Variants in CHD8 observed in about 807,000 individuals in gnomAD.
The protein encoded by CHD8 is ATP-dependent chromatin remodeler CHD8.
In CHD8, 31 loss-of-function variants were observed where a neutral mutation model predicts 279.2. That is an observed-to-expected ratio of 0.11 (90% CI 0.08 to 0.15). The LOEUF is 0.15. CHD8 is among the 10% of genes least tolerant of loss of function. The probability of loss-of-function intolerance (pLI) is 1.00; values close to 1 mark genes in which losing one functional copy is unlikely to be tolerated. For synonymous variants in CHD8, 1,081 were observed against 1,139.6 expected (o/e 0.95, Z 1.04); for missense variants, 2,146 against 3,230.5 (o/e 0.66, Z 8.14).
Position 21,393,729 on chromosome 14 carries a change from C to G in CHD8, c.6066G>C (p.Leu2022=), listed in dbSNP as rs780801375. 3 of 1,613,878 alleles carry G rather than the reference C, an allele frequency of 1.9e-6. No individual in the cohort carries two copies. The highest frequency in any genetic ancestry group is 1.7e-6 in the Non-Finnish European group (2 of 1,179,836). Residue 2022 remains leucine, a synonymous_variant, in exon 32 of 38, where the codon CTG becomes CTC. Coordinates refer to ENST00000646647, the MANE Select transcript of CHD8 (RefSeq NM_001170629.2). ...TATQVPSLES[L]TLKLEHEVVA... Reference sequence around the variant, plus strand: ...CCACCTCGTGCTCTAGCTTTAAAGTCAGACTCTCCAGACTGGGGACCTGGG... The same window carrying G: ...CCACCTCGTGCTCTAGCTTTAAAGTGAGACTCTCCAGACTGGGGACCTGGG...
rs757626680 is a variant in CHD8 at position 21,431,257 on chromosome 14, C to G, written c.387G>C (p.Leu129=). Residue 129 remains leucine, a synonymous_variant, in exon 2 of 38, where the codon CTG becomes CTC. Coordinates refer to ENST00000646647, the MANE Select transcript of CHD8 (RefSeq NM_001170629.2). ...LLQVSKSQEI[L]SQGNPFMGVS... is the part of the protein sequence containing the mutation. ...CACCCATGAAAGGATTCCCTTGGCTCAGGATCTCCTGGCTCTTGGAGACTT... is the reference window on the plus strand; with the variant it reads ...CACCCATGAAAGGATTCCCTTGGCTGAGGATCTCCTGGCTCTTGGAGACTT... 1 of 1,595,604 alleles carries G rather than the reference C, an allele frequency of 6.3e-7. No individual in the cohort carries two copies. Among genetic ancestry groups the G allele is most frequent in the South Asian group, 1.1e-5 (1 of 90,278 alleles).
Position 21,431,865 on chromosome 14 carries a change from T to A in CHD8, c.-215-7A>T, listed in dbSNP as rs768733820. On this transcript the variant is annotated splice_polypyrimidine_tract_variant and splice_region_variant and intron_variant, in intron 1 of 37. Transcript: ENST00000646647. Reference sequence around the variant, plus strand: ...GAGGAAGATGGTGGAACTCCTGTTGTAGGAATACAAATACAAATGAAAAAT... The same window carrying A: ...GAGGAAGATGGTGGAACTCCTGTTGAAGGAATACAAATACAAATGAAAAAT... 1 of 1,596,422 alleles carries A rather than the reference T, an allele frequency of 6.3e-7. No individual in the cohort carries two copies. The highest frequency in any genetic ancestry group is 8.6e-7 in the Non-Finnish European group (1 of 1,163,890).
intron 1 of CHD8, among the ~76,000 whole-genome samples, chr14:21,444,394 G>A (rs1890062224): frequency 6.6e-6 from 1 of 152,188 alleles, no homozygotes; most frequent in African/African-American, 2.4e-5. Flanking sequence ...ATGAGCTTGA[G>A]TGCACACTCT....
At chr14:21,443,485 C>A (rs999850761) in intron 1 of CHD8, among the ~76,000 whole-genome samples, 1 of 152,080 alleles carries the variant, frequency 6.6e-6, no homozygotes, top group Non-Finnish European at 1.5e-5. Flanking sequence ...AGTGCAGTGT[C>A]ACAGAGGCAG....
At chr14:21,416,854 C>T (rs1170675709) in intron 5 of CHD8, among the ~76,000 whole-genome samples, 1 of 151,704 alleles carries the variant, frequency 6.6e-6, no homozygotes, top group Non-Finnish European at 1.5e-5. Context: ...ACCTGTAATC[C>T]TAGCACTTTG....
chr14:21,428,605 C>T (rs1482214450), intron 3 of CHD8, among the ~76,000 whole-genome samples: 1 of 152,124 alleles, frequency 6.6e-6, no homozygotes, highest in Admixed American at 6.6e-5. Flanking sequence ...TTTTATCTGC[C>T]TGGGCGGGGA....
intron 29 of CHD8, 21 bp from the exon 30 acceptor site, chr14:21,395,140 TGA>T (rs1887721157): frequency 1.2e-6 from 2 of 1,608,380 alleles, no homozygotes; most frequent in Non-Finnish European, 1.7e-6. Flanking sequence ...CAAAGTAGAA[TGA>T]ATAGGAAGTA....
chr14:21,443,629 TGG>T (rs1890040165), intron 1 of CHD8, among the ~76,000 whole-genome samples: 1 of 150,390 alleles, frequency 6.6e-6, no homozygotes, highest in African/African-American at 2.4e-5. Flanking sequence ...CCGAGGTGGG[TGG>T]ATCACGAGGT....
chr14:21,386,151 T>A lies in CHD8; in HGVS notation c.7208A>T (p.Asn2403Ile), dbSNP rs1369354810. 6.4e-7 allele frequency: 1 copy of A among 1,551,922 alleles called. No individual in the cohort carries two copies. Among genetic ancestry groups the A allele is most frequent in the African/African-American group, 1.4e-5 (1 of 72,994 alleles). ...KKGHHTETVF[N>I]RVLPGPIAPE... is the part of the protein sequence containing the mutation. ...TGCAATAGGCCCTGGCAAAACCCGGTTGAACACCGTTTCAGTGTGATGACC... is the reference window on the plus strand; with the variant it reads ...TGCAATAGGCCCTGGCAAAACCCGGATGAACACCGTTTCAGTGTGATGACC... The change falls in exon 38 of 38, where the codon AAC becomes ATC. Residue 2403 changes from asparagine to isoleucine, a missense_variant. Asn to Ile is a moderately radical substitution (Grantham distance 149, BLOSUM62 -3). Transcript: ENST00000646647.
In CHD8 at chr14:21,402,592, C is replaced by T; in HGVS notation, c.3715-89G>A. ...ACAAAATACCAATTTATGATTCTTT[C>T]ACCTCTATAGAGCAGCCATGAGATC... On this transcript the variant is annotated intron_variant, in intron 18 of 37. Coordinates refer to ENST00000646647, the MANE Select transcript of CHD8 (RefSeq NM_001170629.2). The surrounding 1 kb of genome is among the most constrained non-coding windows in gnomAD (Gnocchi z 4.5). 1 of 1,267,254 alleles carries T rather than the reference C, an allele frequency of 7.9e-7. No homozygotes were observed. The highest frequency in any genetic ancestry group is 1.6e-5 in the South Asian group (1 of 64,372). 78.5% of individuals were successfully genotyped at this position (1,267,254 alleles called of 1,614,324 possible).
chr14:21,391,384 T>A, intron 36 of CHD8, 79 bp downstream of exon 36: 4 of 1,325,238 alleles, frequency 3.0e-6, no homozygotes, highest in Non-Finnish European at 4.2e-6. Flanking sequence ...TGATACAGTA[T>A]GTCATGCTTT....
rs906914158 is a variant in CHD8 at position 21,430,918 on chromosome 14, G to T, written c.726C>A (p.Ser242Arg). Residue 242 changes from serine (S) to arginine (R), a missense_variant, in exon 2 of 38, where the codon AGC becomes AGA. This residue lies in a region of CHD8 where 302 missense variants were observed against 325.5 expected (regional missense o/e 0.93). Transcript: ENST00000646647. ...QAAVQRIVQP[S>R]RPVKQLVLQP... ...GGAGGACCAGCTGCTTTACTGGTCG[G>T]CTGGGCTGGACAATGCGCTGAACAG... 7.5e-6 allele frequency: 12 copies of T among 1,599,344 alleles called. No individual in the cohort carries two copies. The highest frequency in any genetic ancestry group is 8.5e-6 in the Non-Finnish European group (10 of 1,179,752).
intron 5 of CHD8, among the ~76,000 whole-genome samples, chr14:21,424,902 C>T (rs567875827): frequency 6.6e-5 from 10 of 152,102 alleles, no homozygotes; most frequent in Non-Finnish European, 1.5e-4. Flanking sequence ...TCATTTAGTC[C>T]AAATCTCCAT....
intron 1 of CHD8, among the ~76,000 whole-genome samples, chr14:21,445,107 T>C (rs1890080478): frequency 6.6e-6 from 1 of 152,198 alleles, no homozygotes; most frequent in South Asian, 2.1e-4. Context: ...AATTCCCATC[T>C]TTACCTCCTA....
At position 21,394,902 on chromosome 14, in the gene CHD8, T is replaced by A. The variant is rs181227407; in HGVS notation, c.5390+10A>T. On this transcript the variant is annotated intron_variant, in intron 30 of 37. Transcript: ENST00000646647. Reference sequence around the variant, plus strand: ...ACACAGATCAGCACAAGTTCCCAGCTATATTTTACCGTTGTTGTTTCTCCC... The same window carrying A: ...ACACAGATCAGCACAAGTTCCCAGCAATATTTTACCGTTGTTGTTTCTCCC... 2,790 of 1,612,948 alleles carry A rather than the reference T, an allele frequency of 1.7e-3. 1 individual carries two copies. The highest frequency in any genetic ancestry group is 2.3e-3 in the Non-Finnish European group (2,668 of 1,178,966).
At chr14:21,419,353 G>A (rs960167709) in intron 5 of CHD8, among the ~76,000 whole-genome samples, 1 of 152,162 alleles carries the variant, frequency 6.6e-6, no homozygotes, top group Non-Finnish European at 1.5e-5. Flanking sequence ...GAGCTCAGGA[G>A]TTCAAGACCA....
At chr14:21,417,592 C>T (rs1466331774) in intron 5 of CHD8, among the ~76,000 whole-genome samples, 3 of 151,910 alleles carry the variant, frequency 2.0e-5, no homozygotes, top group Non-Finnish European at 2.9e-5. Context: ...CGGTGGCTCA[C>T]GCCTGTAATC....
chr14:21,431,517 G>A lies in CHD8; in HGVS notation c.127C>T (p.Leu43=). ...IEEALGLPSS[L]DSLDQMNQDG... ...TGGTTCATCTGATCCAAGGAGTCCA[G>A]AGAGCTTGGCAGTCCAAGGGCTTCC... Residue 43 remains leucine (L), a synonymous_variant, in exon 2 of 38, where the codon CTG becomes TTG. Transcript: ENST00000646647. 1 of 1,537,238 alleles carries A rather than the reference G, an allele frequency of 6.5e-7. No individual in the cohort carries two copies. Among genetic ancestry groups the A allele is most frequent in the African/African-American group, 1.4e-5 (1 of 73,164 alleles).
chr14:21,411,203 T>C (rs1211400675), intron 10 of CHD8, among the ~76,000 whole-genome samples: 1 of 152,158 alleles, frequency 6.6e-6, no homozygotes, highest in Non-Finnish European at 1.5e-5. Flanking sequence ...TGAAAAATGA[T>C]AAGAATTTAA....
Sources: gnomAD v4.1 joint callset for allele counts (sites outside exome capture counted in the v4.1 genomes callset) on GRCh38, gnomAD v4.1.1 for gene constraint, gnomAD v4.1.1 regional missense constraint, Gnocchi (gnomAD v3.1) non-coding constraint, MANE v1.5 for transcripts, NCBI Gene and HGNC (gene_info 2026-07-23, HGNC 2026-07-21) for gene names.